NHSL1: variants seen among roughly 807,000 people sequenced by gnomAD.
NHSL1 encodes the protein NHS like 1, also known as NHS-like protein 1.
A neutral mutation model predicts 95.0 loss-of-function variants in NHSL1; 48 were observed. The observed-to-expected ratio is 0.51, with a 90% CI of 0.40 to 0.64. The LOEUF (loss-of-function observed/expected upper bound fraction) is 0.64, where lower values mean the gene tolerates loss of function less well. Among genes scored for constraint, NHSL1 ranks in the 30% least tolerant of loss-of-function variants. The probability of loss-of-function intolerance (pLI) is 0.00; values close to 1 mark genes in which losing one functional copy is unlikely to be tolerated. For missense variants in NHSL1, 1,971 were observed against 2,077.7 expected (o/e 0.95, Z 1.00); for synonymous variants, 783 against 833.9 (o/e 0.94, Z 1.05).
At chr6:138,523,790 T>A (rs1240959765) in intron 1 of NHSL1, among the ~76,000 whole-genome samples, 1 of 152,212 alleles carries the variant, frequency 6.6e-6, no homozygotes, top group Non-Finnish European at 1.5e-5. Flanking sequence ...CTCCTTTGAA[T>A]GGGAAAGCCC....
At chr6:138,659,779 C>A (rs111859950) in intron 1 of NHSL1, among the ~76,000 whole-genome samples, 1 of 147,650 alleles carries the variant, frequency 6.8e-6, no homozygotes, top group Non-Finnish European at 1.5e-5. Context: ...TACAGTAGAG[C>A]GATCTCAGCT....
chr6:138,560,828 G>GA (rs1783383473), intron 1 of NHSL1, among the ~76,000 whole-genome samples: 3 of 152,332 alleles, frequency 2.0e-5, no homozygotes, highest in Admixed American at 2.0e-4. Flanking sequence ...CAGATACCCA[G>GA]TTTCTGCTTT....
Position 138,424,434 on chromosome 6 carries a change from G to C in NHSL1, c.4468C>G (p.Leu1490Val). 6.4e-7 allele frequency: 1 copy of C among 1,550,830 alleles called. No individual in the cohort carries two copies. Among genetic ancestry groups the C allele is most frequent in the Non-Finnish European group, 8.7e-7 (1 of 1,146,424 alleles). ...CCGTACCTGGGGCCGGAAAAGGACA[G>C]ACTCCGAGGCATCAAGCCTTCGTTC... ...AKNEGLMPRSLSFSGPRYGRS... is the reference protein window; with the variant it reads ...AKNEGLMPRSVSFSGPRYGRS... Residue 1490 changes from leucine to valine, a missense_variant, in exon 8 of 8, where the codon CTG becomes GTG. Leu to Val is a conservative substitution (Grantham distance 32, BLOSUM62 1). Coordinates refer to ENST00000343505, the MANE Select transcript of NHSL1 (RefSeq NM_001144060.2). The surrounding 1 kb of genome is among the most constrained non-coding windows in gnomAD (Gnocchi z 5.9).
intron 7 of NHSL1, among the ~76,000 whole-genome samples, chr6:138,428,461 C>T (rs1775407533): frequency 6.6e-6 from 1 of 152,200 alleles, no homozygotes; most frequent in South Asian, 2.1e-4. Flanking sequence ...AATAATTGGA[C>T]AACCAGCTAC....
intron 3 of NHSL1, among the ~76,000 whole-genome samples, chr6:138,457,171 A>G (rs1434680391): frequency 6.6e-6 from 1 of 152,170 alleles, no homozygotes; most frequent in African/African-American, 2.4e-5. Flanking sequence ...ACACACTACC[A>G]TGCCTGGCTT....
intron 1 of NHSL1, among the ~76,000 whole-genome samples, chr6:138,639,886 C>CTTTT (rs35629338): frequency 8.1e-6 from 1 of 123,230 alleles, no homozygotes. Flanking sequence ...CAAATTTTAG[C>CTTTT]TTTTTTTTTT....
chr6:138,647,732 C>G (rs911513861), intron 1 of NHSL1, among the ~76,000 whole-genome samples: 2 of 151,716 alleles, frequency 1.3e-5, no homozygotes, highest in Admixed American at 6.6e-5. Context: ...TCCCGAGTAG[C>G]TGGGATTACA....
At position 138,567,228 on chromosome 6, in the gene NHSL1, A is replaced by G. The variant is rs183768896; in HGVS notation, c.202+4482T>C. 7.9e-5 allele frequency among the ~76,000 whole-genome samples: 12 copies of G among 152,082 alleles called. No individual in the cohort carries two copies. In the East Asian group the frequency reaches 2.3e-3, roughly 29 times the overall value. On this transcript the variant is annotated intron_variant, in intron 1 of 6. Transcript: ENST00000427025. ...CTGCAGACTCGACCTCCCAGGCTCAAGCGATCCTCCCACCTCAGCCTCCTG... is the reference window on the plus strand; with the variant it reads ...CTGCAGACTCGACCTCCCAGGCTCAGGCGATCCTCCCACCTCAGCCTCCTG...
chr6:138,599,885 T>C (rs912601453), intron 1 of NHSL1, among the ~76,000 whole-genome samples: 4 of 152,066 alleles, frequency 2.6e-5, no homozygotes, highest in Non-Finnish European at 4.4e-5. Flanking sequence ...GACATGACTG[T>C]AATCCCAGCA....
chr6:138,543,599 C>T (rs1235323551), intron 1 of NHSL1, among the ~76,000 whole-genome samples: 3 of 152,172 alleles, frequency 2.0e-5, no homozygotes, highest in African/African-American at 4.8e-5. Context: ...AAAATCAATG[C>T]TAATCACAAC....
intron 2 of NHSL1, among the ~76,000 whole-genome samples, chr6:138,483,074 T>C (rs1239153365): frequency 6.6e-6 from 1 of 152,138 alleles, no homozygotes; most frequent in East Asian, 1.9e-4. Context: ...GTGAGAAAAC[T>C]GTTTCAGAGT....
rs114469885 is a variant in NHSL1, at chr6:138,426,212, G to C, written c.4086-1396C>G. ...ATATCTCTTTTCCTGCTATAAAATT[G>C]TAGAATATGCAGCAGGGAAAGGTTG... On this transcript the variant is annotated intron_variant, in intron 7 of 7. Coordinates refer to ENST00000343505, the MANE Select transcript of NHSL1 (RefSeq NM_001144060.2). Among the ~76,000 whole-genome samples, 1,518 of 152,302 alleles carry C rather than the reference G, an allele frequency of 1.0e-2. 24 individuals carry two copies. The highest frequency in any genetic ancestry group is 0.035 in the African/African-American group (1,444 of 41,568).
chr6:138,464,674 C>A (rs1464183141), intron 3 of NHSL1, among the ~76,000 whole-genome samples: 1 of 150,778 alleles, frequency 6.6e-6, no homozygotes, highest in Admixed American at 6.6e-5. Context: ...TAATTACGTT[C>A]AAATAGCTAG....
At chr6:138,456,887 T>TC (rs1777646924) in intron 3 of NHSL1, among the ~76,000 whole-genome samples, 1 of 152,024 alleles carries the variant, frequency 6.6e-6, no homozygotes, top group East Asian at 1.9e-4. Context: ...TTCTTTCTTT[T>TC]TTTTTTTTTG....
At chr6:138,650,586 A>G (rs1043170829) in intron 1 of NHSL1, 3 of 591,088 alleles carry the variant, frequency 5.1e-6, no homozygotes, top group African/African-American at 1.9e-5. Context: ...AACAAATTCC[A>G]GCAGCCCTTC....
At chr6:138,510,120 G>A (rs780811562) in intron 1 of NHSL1, among the ~76,000 whole-genome samples, 3 of 152,196 alleles carry the variant, frequency 2.0e-5, no homozygotes, top group Admixed American at 6.5e-5. Flanking sequence ...AAAAAGGATA[G>A]AGTTAATTAT....
intron 1 of NHSL1, among the ~76,000 whole-genome samples, chr6:138,626,985 C>T (rs950975232): frequency 6.7e-6 from 1 of 148,278 alleles, no homozygotes; most frequent in Admixed American, 6.8e-5. Context: ...ATATCATATA[C>T]ACCTTCTTAT....
chr6:138,569,295 G>A (rs1383409979), intron 1 of NHSL1, among the ~76,000 whole-genome samples: 1 of 151,954 alleles, frequency 6.6e-6, no homozygotes, highest in Non-Finnish European at 1.5e-5. Context: ...GAAAGAGAGC[G>A]AGAGAGAAAA....
intron 1 of NHSL1, among the ~76,000 whole-genome samples, chr6:138,545,120 C>T (rs1248272027): frequency 5.3e-5 from 8 of 149,996 alleles, no homozygotes; most frequent in Admixed American, 1.3e-4. Flanking sequence ...CCTCCCAAGT[C>T]GCTGGGATTA....
Sources: allele counts gnomAD v4.1 joint callset (sites outside exome capture counted in the v4.1 genomes callset), GRCh38; gene constraint gnomAD v4.1.1; non-coding constraint Gnocchi (gnomAD v3.1); transcripts MANE v1.5; gene names NCBI Gene and HGNC (gene_info 2026-07-23, HGNC 2026-07-21).